The following PLEKHA3 variants were observed in gnomAD, a reference collection of about 807,000 sequenced individuals.
PLEKHA3 encodes pleckstrin homology domain containing A3.
In PLEKHA3, 19 loss-of-function variants were observed where a neutral mutation model predicts 39.2. That is an observed-to-expected ratio of 0.48 (90% confidence interval 0.34 to 0.71). The LOEUF (loss-of-function observed/expected upper bound fraction) is 0.71, where lower values mean the gene tolerates loss of function less well. PLEKHA3 is among the 30% of genes least tolerant of loss of function. PLEKHA3 has a pLI of 0.01. For synonymous variants in PLEKHA3, 97 were observed against 118.6 expected, an observed-to-expected ratio of 0.82 and a Z score of 1.18; for missense variants, 253 against 359.5, an observed-to-expected ratio of 0.70 and a Z score of 2.40.
In PLEKHA3 at chr2:178,510,540, GA is replaced by G. The variant is rs1199525548; in HGVS notation, c.*6655del. The G allele has an allele frequency of 1.3e-5, 2 of 153,758 alleles. No homozygotes were observed. The highest frequency in any genetic ancestry group is 2.4e-5 in the African/African-American group (1 of 41,446). The allele number at this position is 153,758 out of a possible 1,614,324, so 9.5% of individuals were successfully genotyped here. A position where few individuals can be genotyped will look rare whatever the true frequency, so the allele number is the denominator to read the frequency against. On this transcript the variant is annotated 3_prime_UTR_variant, in exon 8 of 8. Transcript: ENST00000234453. The stretch of plus-strand genomic sequence containing the variant: ...TAGGTCATGTGGGTACCACCCTCAT[GA>G]ATAGATTAATGCCGCCGTGTAAAGG...
chr2:178,492,630 A>T (rs1261553043), intron 3 of PLEKHA3, among the ~76,000 whole-genome samples: 1 of 80,922 alleles, frequency 1.2e-5, no homozygotes, highest in South Asian at 5.0e-4. Context: ...AATAATGATT[A>T]AAAAAAAAAA....
chr2:178,503,228 A>C (rs566020588), intron 7 of PLEKHA3, among the ~76,000 whole-genome samples: 3 of 152,018 alleles, frequency 2.0e-5, no homozygotes, highest in Admixed American at 6.6e-5. Flanking sequence ...ACAAATGGAG[A>C]AATGGGATCT....
intron 4 of PLEKHA3, 65 bp from the exon 5 acceptor site, chr2:178,495,431 T>C (rs1461779494): frequency 7.0e-7 from 1 of 1,430,210 alleles, no homozygotes; most frequent in Non-Finnish European, 9.7e-7. Context: ...TATTTAATGA[T>C]AAGGTTGTAT....
At chr2:178,495,851 G>C (rs1685434828) in intron 5 of PLEKHA3, among the ~76,000 whole-genome samples, 191 bp downstream of exon 5, 1 of 152,180 alleles carries the variant, frequency 6.6e-6, no homozygotes, top group Non-Finnish European at 1.5e-5. Flanking sequence ...ACTTGTGCTA[G>C]TGTCCTCATT....
At chr2:178,502,930 G>A (rs1365646311) in intron 7 of PLEKHA3, among the ~76,000 whole-genome samples, 1 of 151,888 alleles carries the variant, frequency 6.6e-6, no homozygotes, top group Non-Finnish European at 1.5e-5. Flanking sequence ...CTAGTTTAGT[G>A]TTTCAATTAG....
intron 5 of PLEKHA3, among the ~76,000 whole-genome samples, chr2:178,497,332 G>T (rs1685465028): frequency 6.6e-6 from 1 of 152,100 alleles, no homozygotes; most frequent in Non-Finnish European, 1.5e-5. Context: ...CTGGGTTCAT[G>T]CCATTCTCCT....
At chr2:178,481,011 G>C (rs981566683) in intron 1 of PLEKHA3, 102 bp downstream of exon 1, 1 of 1,103,110 alleles carries the variant, frequency 9.1e-7, no homozygotes, top group Non-Finnish European at 1.2e-6. Context: ...CGGACCCTCA[G>C]AGCGAATTCG....
At chr2:178,489,868 T>G (rs1412583110) in intron 2 of PLEKHA3, among the ~76,000 whole-genome samples, 1 of 152,184 alleles carries the variant, frequency 6.6e-6, no homozygotes, top group Non-Finnish European at 1.5e-5. Flanking sequence ...ATATGTGTAT[T>G]CTGATTGTTT....
chr2:178,490,562 A>G, intron 2 of PLEKHA3, 97 bp from the exon 3 acceptor site: 2 of 1,232,578 alleles, frequency 1.6e-6, no homozygotes, highest in Non-Finnish European at 2.3e-6. Flanking sequence ...TGTTTTTGGT[A>G]TATGAAGCAT....
intron 2 of PLEKHA3, among the ~76,000 whole-genome samples, chr2:178,487,498 G>A (rs1685268430): frequency 6.6e-6 from 1 of 151,780 alleles, no homozygotes; most frequent in South Asian, 2.1e-4. Context: ...GAATGCAGTG[G>A]TGTGATCATG....
At chr2:178,488,280 T>G (rs557126941) in intron 2 of PLEKHA3, among the ~76,000 whole-genome samples, 2 of 152,378 alleles carry the variant, frequency 1.3e-5, no homozygotes, top group African/African-American at 4.8e-5. Flanking sequence ...GTGTAGTTTA[T>G]GTTTTCATTT....
intron 3 of PLEKHA3, 45 bp downstream of exon 3, chr2:178,490,859 A>G (rs1474096113): frequency 3.4e-6 from 5 of 1,458,998 alleles, no homozygotes; most frequent in African/African-American, 2.9e-5. Flanking sequence ...TTTCTTAAAT[A>G]TAAATATAAA....
At position 178,493,935 on chromosome 2, in the gene PLEKHA3, T is replaced by C. The variant is rs749277109; in HGVS notation, c.396T>C (p.His132=). ...LYCDLLMQQV[H]TIQEFVHHDE... is the part of the protein sequence containing the mutation. ...GTGACCTCTTAATGCAGCAAGTTCA[T>C]ACAATACAGGAATTTGTTCACCATG... The change falls in exon 4 of 8, where the codon CAT becomes CAC. Residue 132 remains histidine, a synonymous_variant. Transcript: ENST00000234453. 1.2e-6 allele frequency: 2 copies of C among 1,614,136 alleles called. No homozygotes were observed. The highest frequency in any genetic ancestry group is 1.1e-5 in the South Asian group (1 of 91,058).
chr2:178,500,978 A>G (rs1408293386), intron 6 of PLEKHA3, 83 bp from the exon 7 acceptor site: 3 of 842,426 alleles, frequency 3.6e-6, no homozygotes, highest in African/African-American at 3.4e-5. Flanking sequence ...TTTCACTTAA[A>G]GAGAAGTCAT....
chr2:178,486,306 T>C (rs528678577), intron 2 of PLEKHA3, among the ~76,000 whole-genome samples: 23 of 152,300 alleles, frequency 1.5e-4, no homozygotes, highest in Non-Finnish European at 2.9e-4. Flanking sequence ...TTATGGACCA[T>C]TGATTCATTT....
Position 178,509,262 on chromosome 2 carries a change from G to A in PLEKHA3, c.*5375G>A, listed in dbSNP as rs1228440978. 4 of 152,054 alleles carry A rather than the reference G, an allele frequency of 2.6e-5. No individual in the cohort carries two copies. Among genetic ancestry groups the A allele is most frequent in the Admixed American group, 2.0e-4 (3 of 15,258 alleles). 9.4% of individuals were successfully genotyped at this position (152,054 alleles called of 1,614,324 possible). On this transcript the variant is annotated 3_prime_UTR_variant, in exon 8 of 8. Coordinates refer to ENST00000234453, the MANE Select transcript of PLEKHA3 (RefSeq NM_019091.4). ...GAAAGTCTAGATTTAAATTCTAATA[G>A]TGTATAAAAAATAAAAATTCTTTAG...
intron 5 of PLEKHA3, among the ~76,000 whole-genome samples, chr2:178,497,380 G>GCCA (rs1685465606): frequency 6.6e-6 from 1 of 152,030 alleles, no homozygotes; most frequent in African/African-American, 2.4e-5. Context: ...ACAGGCGCCT[G>GCCA]CCACCATGCC....
chr2:178,514,005 T>C lies in PLEKHA3; in HGVS notation c.*10118T>C, dbSNP rs1356007025. The C allele has an allele frequency of 6.6e-6, 1 of 152,170 alleles. No homozygotes were observed. Among genetic ancestry groups the C allele is most frequent in the Non-Finnish European group, 1.5e-5 (1 of 68,034 alleles). The allele number at this position is 152,170 out of a possible 1,614,324, so 9.4% of individuals were successfully genotyped here. ...ATTCAGCATGCCTTCAGAATTGGCA[T>C]CCTCGGGTGATTGTCCATAGCCTCT... On this transcript the variant is annotated 3_prime_UTR_variant, in exon 8 of 8. Coordinates refer to ENST00000234453, the MANE Select transcript of PLEKHA3 (RefSeq NM_019091.4).
rs947192091 is a variant in PLEKHA3 at position 178,507,527 on chromosome 2, A to C, written c.*3640A>C. ...TTCTCTTAAAAAAGTTTTTAAAAATATTTTGTCATCCTTTAGGGACATTTC... is the reference window on the plus strand; with the variant it reads ...TTCTCTTAAAAAAGTTTTTAAAAATCTTTTGTCATCCTTTAGGGACATTTC... On this transcript the variant is annotated 3_prime_UTR_variant, in exon 8 of 8. Transcript: ENST00000234453. The C allele has an allele frequency of 2.0e-5, 3 of 151,946 alleles. No individual in the cohort carries two copies. Among genetic ancestry groups the C allele is most frequent in the Admixed American group, 6.6e-5 (1 of 15,242 alleles). 9.4% of individuals were successfully genotyped at this position (151,946 alleles called of 1,614,324 possible).
Sources: gnomAD v4.1 joint callset for allele counts (sites outside exome capture counted in the v4.1 genomes callset) on GRCh38, gnomAD v4.1.1 for gene constraint, MANE v1.5 for transcripts, NCBI Gene and HGNC (gene_info 2026-07-23, HGNC 2026-07-21) for gene names.